Variants in TRAPPC13 observed in about 807,000 individuals in gnomAD.
The protein encoded by TRAPPC13 is trafficking protein particle complex subunit 13.
TRAPPC13 carries 39 observed loss-of-function variants against 54.0 expected under a neutral mutation model. That is an observed-to-expected ratio of 0.72 (90% CI 0.56 to 0.94). The LOEUF is 0.94. Ranked by LOEUF, TRAPPC13 falls within the 40% of genes least tolerant of loss-of-function variation. The probability of loss-of-function intolerance (pLI) is 0.00; values close to 1 mark genes in which losing one functional copy is unlikely to be tolerated. For missense variants in TRAPPC13, 386 were observed against 488.1 expected (o/e 0.79, Z 1.97); for synonymous variants, 148 against 167.7 (o/e 0.88, Z 0.91).
Position 65,647,129 on chromosome 5 carries a change from T to C in TRAPPC13, c.375T>C (p.Asp125=). 6.4e-7 allele frequency: 1 copy of C among 1,574,794 alleles called. No homozygotes were observed. The highest frequency in any genetic ancestry group is 8.6e-7 in the Non-Finnish European group (1 of 1,157,930). Residue 125 remains aspartate, a synonymous_variant, in exon 5 of 13, where the codon GAT becomes GAC. Coordinates refer to ENST00000399438, the MANE Select transcript of TRAPPC13 (RefSeq NM_024941.4). ...SNAAVAELKP[D]CCIDDVIHHE... ...CTGCAGTGGCTGAACTTAAACCGGA[T>C]TGTTGTATTGATGATGTCATACATC...
At chr5:65,643,551 G>T (rs979376447) in intron 4 of TRAPPC13, among the ~76,000 whole-genome samples, 1 of 151,922 alleles carries the variant, frequency 6.6e-6, no homozygotes, top group African/African-American at 2.4e-5. Context: ...GGGTGGGGTG[G>T]CTCATGCCTG....
At chr5:65,642,844 G>A (rs1756021006) in intron 4 of TRAPPC13, among the ~76,000 whole-genome samples, 2 of 151,588 alleles carry the variant, frequency 1.3e-5, no homozygotes, top group African/African-American at 4.9e-5. Flanking sequence ...TTTATTTTTT[G>A]GAGACAGCAT....
At chr5:65,664,483 C>T (rs369895549) in intron 12 of TRAPPC13, 21 bp from the exon 13 acceptor site, 13 of 1,034,276 alleles carry the variant, frequency 1.3e-5, no homozygotes, top group African/African-American at 8.7e-5. Context: ...AACTTAGACT[C>T]ATCTCTCTCT....
intron 10 of TRAPPC13, 139 bp from the exon 11 acceptor site, chr5:65,661,911 A>G: frequency 1.8e-6 from 1 of 547,804 alleles, no homozygotes; most frequent in Non-Finnish European, 3.1e-6. Flanking sequence ...GAGACAAGTA[A>G]AGTGAATCAG....
chr5:65,646,933 C>G, intron 4 of TRAPPC13, 122 bp from the exon 5 acceptor site: 491 of 866,824 alleles, frequency 5.7e-4, no homozygotes, highest in Non-Finnish European at 7.7e-4. Context: ...AAAAGTGTTG[C>G]TCCCCCTTTC....
chr5:65,635,220 T>C, intron 1 of TRAPPC13, 81 bp from the exon 2 acceptor site: 1 of 1,177,346 alleles, frequency 8.5e-7, no homozygotes, highest in Non-Finnish European at 1.2e-6. Flanking sequence ...ATAAAATGGA[T>C]GAATGTCATA....
chr5:65,640,256 G>C (rs567713327), intron 4 of TRAPPC13, among the ~76,000 whole-genome samples: 3 of 152,170 alleles, frequency 2.0e-5, no homozygotes, highest in Non-Finnish European at 4.4e-5. Flanking sequence ...TCAAATTTCA[G>C]GCCAGGTGTG....
intron 4 of TRAPPC13, among the ~76,000 whole-genome samples, chr5:65,638,241 C>A (rs1465914044): frequency 1.3e-5 from 2 of 152,016 alleles, no homozygotes; most frequent in Non-Finnish European, 2.9e-5. Context: ...TGAATGCCTA[C>A]AGTTATAAAG....
chr5:65,639,162 AC>A (rs775410865), intron 4 of TRAPPC13, among the ~76,000 whole-genome samples: 27 of 151,698 alleles, frequency 1.8e-4, no homozygotes, highest in Non-Finnish European at 2.9e-4. Flanking sequence ...GGAAAGACCC[AC>A]CCCCATGATT....
chr5:65,649,783 G>A (rs568029534), intron 5 of TRAPPC13, among the ~76,000 whole-genome samples: 1 of 151,180 alleles, frequency 6.6e-6, no homozygotes, highest in Non-Finnish European at 1.5e-5. Context: ...AATTGTTTTA[G>A]TGTTTTTGAT....
In TRAPPC13 at chr5:65,650,849, A is replaced by G; in HGVS notation, c.468A>G (p.Glu156=). ...TGAGTTATACAACTCAGGCTGGAGA[A>G]AAAATGTATTTCAGAAAATTCTTCA... is the stretch of plus-strand genomic sequence containing the variant. ...CAVSYTTQAG[E]KMYFRKFFKF... is the part of the protein sequence containing the mutation. Residue 156 remains glutamate, a synonymous_variant, in exon 6 of 13, where the codon GAA becomes GAG. Coordinates refer to ENST00000399438, the MANE Select transcript of TRAPPC13 (RefSeq NM_024941.4). 6.2e-7 allele frequency: 1 copy of G among 1,613,388 alleles called. No individual in the cohort carries two copies.
At chr5:65,638,450 A>G (rs1755845973) in intron 4 of TRAPPC13, among the ~76,000 whole-genome samples, 2 of 152,188 alleles carry the variant, frequency 1.3e-5, no homozygotes. Flanking sequence ...AGGATCTTGA[A>G]AGAATGGGAG....
chr5:65,651,849 T>A (rs991988435), intron 6 of TRAPPC13, among the ~76,000 whole-genome samples: 1 of 25,680 alleles, frequency 3.9e-5, no homozygotes, highest in Non-Finnish European at 8.6e-5. Context: ...TCAGTTTTTT[T>A]TTTTTTTTTT....
chr5:65,627,847 A>G (rs1755323168), intron 1 of TRAPPC13, among the ~76,000 whole-genome samples: 1 of 152,226 alleles, frequency 6.6e-6, no homozygotes, highest in South Asian at 2.1e-4. Flanking sequence ...GAGTTGTCAG[A>G]TCTGTTAGTG....
intron 1 of TRAPPC13, chr5:65,629,680 T>C (rs1036277762): frequency 9.2e-5 from 142 of 1,535,954 alleles, no homozygotes; most frequent in Non-Finnish European, 1.2e-4. Context: ...AAGACTTTCC[T>C]ACTCGTCCGC....
rs539135678 is a variant in TRAPPC13, at chr5:65,633,722, A to T, written c.47-1579A>T. Among the ~76,000 whole-genome samples, 109 of 152,112 alleles carry T rather than the reference A, an allele frequency of 7.2e-4. 1 individual carries two copies. Among genetic ancestry groups the T allele is most frequent in the Admixed American group, 4.6e-3 (70 of 15,288 alleles). On this transcript the variant is annotated intron_variant, in intron 1 of 12. Coordinates refer to ENST00000399438, the MANE Select transcript of TRAPPC13 (RefSeq NM_024941.4). ...TTAGAAGTAACTGAAAAAGATTTTT[A>T]AAAAAATTATAGAGTGTTTACTCAT... is the stretch of plus-strand genomic sequence containing the variant.
intron 4 of TRAPPC13, among the ~76,000 whole-genome samples, chr5:65,641,459 T>C (rs1755960230): frequency 6.6e-6 from 1 of 152,126 alleles, no homozygotes; most frequent in Non-Finnish European, 1.5e-5. Flanking sequence ...AATCCAGCAC[T>C]TTGGGAGACC....
intron 4 of TRAPPC13, among the ~76,000 whole-genome samples, chr5:65,642,289 C>T (rs1006713419): frequency 6.6e-6 from 1 of 151,940 alleles, no homozygotes; most frequent in Admixed American, 6.6e-5. Flanking sequence ...TGCCACTGCA[C>T]TCCAGCCTGG....
In TRAPPC13 at chr5:65,636,058, T is replaced by C; in HGVS notation, c.215+15T>C. On this transcript the variant is annotated intron_variant, in intron 3 of 12. Transcript: ENST00000399438. ...CAGAATTTTGGGTAAGAATGACATATTCACATAAGAAACCTTGTAAAGCCA... is the reference window on the plus strand; with the variant it reads ...CAGAATTTTGGGTAAGAATGACATACTCACATAAGAAACCTTGTAAAGCCA... 6.6e-7 allele frequency: 1 copy of C among 1,507,880 alleles called. No individual in the cohort carries two copies. The highest frequency in any genetic ancestry group is 9.1e-7 in the Non-Finnish European group (1 of 1,098,544). The allele number at this position is 1,507,880 out of a possible 1,614,324, so 93.4% of individuals were successfully genotyped here.
Sources: allele counts gnomAD v4.1 joint callset (sites outside exome capture counted in the v4.1 genomes callset), GRCh38; gene constraint gnomAD v4.1.1; transcripts MANE v1.5; gene names NCBI Gene and HGNC (gene_info 2026-07-23, HGNC 2026-07-21).